Variants in DSCAM observed in about 807,000 individuals in gnomAD.
DSCAM encodes the protein cell adhesion molecule DSCAM.
A neutral mutation model predicts 217.7 loss-of-function variants in DSCAM; 47 were observed. The ratio of observed to expected loss-of-function variants is 0.22; its 90% confidence interval spans 0.17 to 0.28. The LOEUF is 0.28. Ranked by LOEUF, DSCAM falls within the 10% of genes least tolerant of loss-of-function variation. The probability of loss-of-function intolerance (pLI) is 1.00; values close to 1 mark genes in which losing one functional copy is unlikely to be tolerated. For missense variants in DSCAM, 2,080 were observed against 2,618.3 expected, an observed-to-expected ratio of 0.79 and a Z score of 4.49; for synonymous variants, 1,056 against 1,015.3, an observed-to-expected ratio of 1.04 and a Z score of -0.76.
chr21:40,482,397 C>G (rs2075990726), intron 3 of DSCAM, among the ~76,000 whole-genome samples: 1 of 152,210 alleles, frequency 6.6e-6, no homozygotes, highest in Non-Finnish European at 1.5e-5. Context: ...CTGTCTTTGT[C>G]ATCTGTAGAT....
chr21:40,245,740 G>A (rs1241043344), intron 11 of DSCAM, among the ~76,000 whole-genome samples: 1 of 152,156 alleles, frequency 6.6e-6, no homozygotes, highest in Non-Finnish European at 1.5e-5. Context: ...TACACCTCTG[G>A]TCTGCCATGG....
At chr21:40,440,924 A>G (rs1326053507) in intron 3 of DSCAM, among the ~76,000 whole-genome samples, 6 of 152,126 alleles carry the variant, frequency 3.9e-5, no homozygotes, top group African/African-American at 1.4e-4. Context: ...ATTAGAATGG[A>G]CCACCTGGAG....
At chr21:40,397,807 AC>A (rs1379507493) in intron 3 of DSCAM, among the ~76,000 whole-genome samples, 4 of 152,018 alleles carry the variant, frequency 2.6e-5, no homozygotes, top group Non-Finnish European at 4.4e-5. Flanking sequence ...TATTACCAAT[AC>A]TGCTACCACC....
chr21:40,789,553 ATTT>A (rs3071032), intron 1 of DSCAM, among the ~76,000 whole-genome samples: 53,316 of 128,500 alleles, frequency 0.41, 11,298 homozygotes, highest in South Asian at 0.58. Context: ...GAGTAGATTG[ATTT>A]TTTTTTTTTT....
intron 3 of DSCAM, among the ~76,000 whole-genome samples, chr21:40,649,169 G>A (rs1462377628): frequency 6.6e-6 from 1 of 152,212 alleles, no homozygotes. Context: ...GTCTGGGCTG[G>A]GCATCACCCA....
intron 1 of DSCAM, among the ~76,000 whole-genome samples, chr21:40,813,209 A>T (rs1169342847): frequency 6.6e-6 from 1 of 152,246 alleles, no homozygotes; most frequent in Non-Finnish European, 1.5e-5. Flanking sequence ...TTCATTCCAT[A>T]AAAGGCTAGG....
At chr21:40,193,785 T>C (rs905392095) in intron 11 of DSCAM, among the ~76,000 whole-genome samples, 1 of 152,222 alleles carries the variant, frequency 6.6e-6, no homozygotes, top group Non-Finnish European at 1.5e-5. Flanking sequence ...ACAGTTTTCC[T>C]TTGAGAACTT....
chr21:40,201,197 G>A (rs2091065924), intron 11 of DSCAM, among the ~76,000 whole-genome samples: 2 of 152,142 alleles, frequency 1.3e-5, no homozygotes, highest in South Asian at 4.1e-4. Flanking sequence ...ATGATTGAAT[G>A]TGTCAGGGGA....
chr21:40,563,397 G>T (rs1384735462), intron 3 of DSCAM, among the ~76,000 whole-genome samples: 2 of 149,326 alleles, frequency 1.3e-5, no homozygotes, highest in African/African-American at 4.9e-5. Context: ...GGAACTCTGA[G>T]AACTTCAATC....
chr21:40,241,541 G>T (rs1184063534), intron 11 of DSCAM, among the ~76,000 whole-genome samples: 1 of 152,154 alleles, frequency 6.6e-6, no homozygotes, highest in African/African-American at 2.4e-5. Flanking sequence ...CACTGTTGGT[G>T]GGAGTGTAAA....
intron 1 of DSCAM, among the ~76,000 whole-genome samples, chr21:40,821,156 T>C (rs550505345): frequency 1.0e-4 from 7 of 70,048 alleles, no homozygotes; most frequent in Non-Finnish European, 2.4e-4. Context: ...ATATACACAC[T>C]CTAATTTCTT....
chr21:40,271,797 T>G (rs969846118), intron 11 of DSCAM, among the ~76,000 whole-genome samples: 1 of 152,226 alleles, frequency 6.6e-6, no homozygotes, highest in African/African-American at 2.4e-5. Flanking sequence ...GCAGTCGCTC[T>G]GCCCACCAGA....
At chr21:40,707,651 C>T (rs577358880) in intron 2 of DSCAM, among the ~76,000 whole-genome samples, 4 of 152,088 alleles carry the variant, frequency 2.6e-5, no homozygotes, top group Non-Finnish European at 5.9e-5. Context: ...TTCTCTTTGC[C>T]CTGCTATTAT....
At chr21:40,021,360 A>G (rs922234386) in intron 32 of DSCAM, among the ~76,000 whole-genome samples, 1 of 152,192 alleles carries the variant, frequency 6.6e-6, no homozygotes, top group Non-Finnish European at 1.5e-5. Context: ...AGGGCACCAG[A>G]AAGGTGAGTA....
Position 40,071,499 on chromosome 21 carries a change from C to T in DSCAM, c.4888+3538G>A, listed in dbSNP as rs191771619. Among the ~76,000 whole-genome samples, 506 of 152,246 alleles carry T rather than the reference C, an allele frequency of 3.3e-3. 5 individuals are homozygous for T. The highest frequency in any genetic ancestry group is 0.012 in the African/African-American group (487 of 41,558). On this transcript the variant is annotated intron_variant, in intron 27 of 32. Transcript: ENST00000400454. ...CAGTAAAACATACTCAGCTTATAAA[C>T]ATTTTTGCTGTTTCTAGCAATTGAA...
intron 32 of DSCAM, among the ~76,000 whole-genome samples, chr21:40,033,862 C>T (rs1011554963): frequency 6.3e-5 from 9 of 141,762 alleles, no homozygotes; most frequent in African/African-American, 2.7e-5. Context: ...TCAAGTGGGT[C>T]CCTGACCCCG....
intron 3 of DSCAM, among the ~76,000 whole-genome samples, chr21:40,562,663 G>A (rs1253083960): frequency 6.6e-6 from 1 of 152,158 alleles, no homozygotes; most frequent in Non-Finnish European, 1.5e-5. Flanking sequence ...GTGAGCAATT[G>A]AATATAATTA....
chr21:40,426,567 C>T (rs2075476928), intron 3 of DSCAM, among the ~76,000 whole-genome samples: 1 of 152,128 alleles, frequency 6.6e-6, no homozygotes, highest in African/African-American at 2.4e-5. Context: ...TTGTCAAAGG[C>T]CACATTTCAC....
intron 21 of DSCAM, 85 bp downstream of exon 21, chr21:40,093,636 A>C: frequency 6.8e-7 from 1 of 1,476,302 alleles, no homozygotes. Context: ...TTTTTAGGAA[A>C]GTGTAAGTTT....
Sources: gnomAD v4.1 joint callset for allele counts (sites outside exome capture counted in the v4.1 genomes callset) on GRCh38, gnomAD v4.1.1 for gene constraint, MANE v1.5 for transcripts, NCBI Gene and HGNC (gene_info 2026-07-23, HGNC 2026-07-21) for gene names.